Variants in KCNH1 observed in about 807,000 individuals in gnomAD.
KCNH1 encodes potassium voltage-gated channel subfamily H member 1, also known as voltage-gated delayed rectifier potassium channel KCNH1.
Under a neutral mutation model 69.2 loss-of-function variants are expected in KCNH1, and 27 were observed. The ratio of observed to expected loss-of-function variants is 0.39; its 90% CI spans 0.29 to 0.54. The LOEUF (loss-of-function observed/expected upper bound fraction) is 0.54, where lower values mean the gene tolerates loss of function less well. KCNH1 is among the 20% of genes least tolerant of loss of function. KCNH1 has a pLI of 0.68. For synonymous variants in KCNH1, 456 were observed against 487.7 expected (o/e 0.93, Z 0.86); for missense variants, 798 against 1,261.6 (o/e 0.63, Z 5.57).
At chr1:210,861,609 G>A in intron 7 of KCNH1, 1 of 770,670 alleles carries the variant, frequency 1.3e-6, no homozygotes, top group Non-Finnish European at 2.4e-6. Flanking sequence ...AGTTCCAGTG[G>A]TATAGAGTAT....
At chr1:210,813,376 G>A (rs545110110) in intron 7 of KCNH1, among the ~76,000 whole-genome samples, 5 of 152,182 alleles carry the variant, frequency 3.3e-5, no homozygotes, top group Non-Finnish European at 5.9e-5. Flanking sequence ...TGATGTATTA[G>A]CTGAAATACT....
chr1:210,804,518 T>C (rs1037965991), intron 7 of KCNH1, among the ~76,000 whole-genome samples: 5 of 152,184 alleles, frequency 3.3e-5, no homozygotes, highest in African/African-American at 1.2e-4. Flanking sequence ...CTTTCTGTCA[T>C]AAAAAGTTTG....
chr1:211,015,428 A>C (rs903885394), intron 6 of KCNH1, among the ~76,000 whole-genome samples: 9 of 152,206 alleles, frequency 5.9e-5, no homozygotes, highest in African/African-American at 2.2e-4. Context: ...TTGTGTATTA[A>C]GAAGGTTGAA....
At chr1:210,889,251 T>C (rs1686690176) in intron 7 of KCNH1, among the ~76,000 whole-genome samples, 1 of 152,260 alleles carries the variant, frequency 6.6e-6, no homozygotes, top group East Asian at 1.9e-4. Context: ...TGATTCAACA[T>C]ACACAAATAA....
chr1:210,845,557 T>A (rs2102459091), intron 7 of KCNH1, among the ~76,000 whole-genome samples: 1 of 152,272 alleles, frequency 6.6e-6, no homozygotes. Flanking sequence ...CTCAATAAAC[T>A]AGGTATTGAT....
At chr1:211,117,776 G>T (rs192385356) in intron 1 of KCNH1, among the ~76,000 whole-genome samples, 243 of 152,224 alleles carry the variant, frequency 1.6e-3, no homozygotes, top group Non-Finnish European at 2.6e-3. Context: ...GGATCTGGTG[G>T]GGGACAGGGT....
chr1:211,014,302 C>G (rs1178142179), intron 6 of KCNH1, among the ~76,000 whole-genome samples: 1 of 152,214 alleles, frequency 6.6e-6, no homozygotes, highest in Admixed American at 6.5e-5. Context: ...ACTTATTTAG[C>G]TTCTGCTTTG....
chr1:210,935,098 A>C (rs1687752682), intron 6 of KCNH1, among the ~76,000 whole-genome samples: 1 of 149,144 alleles, frequency 6.7e-6, no homozygotes, highest in Non-Finnish European at 1.5e-5. Flanking sequence ...TGTCATCAAC[A>C]GATAAATGGG....
intron 6 of KCNH1, among the ~76,000 whole-genome samples, chr1:210,938,807 C>T (rs552845659): frequency 6.6e-6 from 1 of 152,276 alleles, no homozygotes; most frequent in South Asian, 2.1e-4. Context: ...ATAAAGTATG[C>T]AAGTAGTTTA....
chr1:211,117,382 G>A (rs779356523), intron 1 of KCNH1, among the ~76,000 whole-genome samples: 2 of 152,202 alleles, frequency 1.3e-5, no homozygotes, highest in Non-Finnish European at 2.9e-5. Context: ...ACAGAATGCA[G>A]TAGACTTGGT....
At chr1:210,699,731 T>A (rs1259190515) in intron 10 of KCNH1, among the ~76,000 whole-genome samples, 2 of 152,256 alleles carry the variant, frequency 1.3e-5, no homozygotes, top group African/African-American at 4.8e-5. Flanking sequence ...ATTCTACACA[T>A]GACTTTTTCC....
In KCNH1 at chr1:210,698,907, G is replaced by A. The variant is rs149136161; in HGVS notation, c.2113-14769C>T. ...TGCAGAGGCCACGGGCAGCTGCCCC[G>A]TCCTCTTTGATACTAGGAGTAGAGA... On this transcript the variant is annotated intron_variant, in intron 10 of 10. Coordinates refer to ENST00000271751, the MANE Select transcript of KCNH1 (RefSeq NM_172362.3). 2.7e-3 allele frequency among the ~76,000 whole-genome samples: 405 copies of A among 152,320 alleles called. 8 individuals are homozygous for A. The highest frequency in any genetic ancestry group is 0.025 in the Admixed American group (379 of 15,306).
chr1:210,816,644 C>T (rs1684822935), intron 7 of KCNH1, among the ~76,000 whole-genome samples: 1 of 152,214 alleles, frequency 6.6e-6, no homozygotes, highest in Non-Finnish European at 1.5e-5. Context: ...CCAGGTCTTG[C>T]TTTACTTCCT....
chr1:211,108,953 CAAAT>C (rs540687570), intron 1 of KCNH1, among the ~76,000 whole-genome samples: 11 of 152,012 alleles, frequency 7.2e-5, no homozygotes, highest in Non-Finnish European at 1.2e-4. Flanking sequence ...CTTAGCAAGA[CAAAT>C]AGATATGTCC....
intron 9 of KCNH1, among the ~76,000 whole-genome samples, chr1:210,790,955 G>A (rs1016724379): frequency 3.9e-5 from 6 of 152,106 alleles, no homozygotes; most frequent in Admixed American, 3.9e-4. Context: ...CTCAGCTACA[G>A]CTCAAGTAGC....
At chr1:210,922,869 C>G (rs1687493923) in intron 6 of KCNH1, among the ~76,000 whole-genome samples, 1 of 152,198 alleles carries the variant, frequency 6.6e-6, no homozygotes. Flanking sequence ...TCAAACACCA[C>G]ATAAGCAGCC....
At chr1:210,967,592 C>A (rs558768439) in intron 6 of KCNH1, among the ~76,000 whole-genome samples, 3 of 152,034 alleles carry the variant, frequency 2.0e-5, no homozygotes, top group Non-Finnish European at 4.4e-5. Context: ...TACCTTTATT[C>A]TTCATATTTC....
At chr1:210,746,667 C>T (rs956283810) in intron 10 of KCNH1, among the ~76,000 whole-genome samples, 9 of 152,112 alleles carry the variant, frequency 5.9e-5, no homozygotes, top group African/African-American at 2.2e-4. Context: ...CCTGCTTCAG[C>T]CTCCTGCGTA....
chr1:210,942,295 A>T (rs1687890189), intron 6 of KCNH1, among the ~76,000 whole-genome samples: 1 of 152,146 alleles, frequency 6.6e-6, no homozygotes, highest in South Asian at 2.1e-4. Context: ...ACCATATCAC[A>T]TGTAGGATTC....
Sources: allele counts gnomAD v4.1 joint callset (sites outside exome capture counted in the v4.1 genomes callset), GRCh38; gene constraint gnomAD v4.1.1; transcripts MANE v1.5; gene names NCBI Gene and HGNC (gene_info 2026-07-23, HGNC 2026-07-21).